The following SCFD2 variants were observed in gnomAD, a reference collection of about 807,000 sequenced individuals.
SCFD2 encodes sec1 family domain-containing protein 2.
A neutral mutation model predicts 58.9 loss-of-function variants in SCFD2; 54 were observed. The observed-to-expected ratio is 0.92, with a 90% CI of 0.74 to 1.15. The LOEUF (loss-of-function observed/expected upper bound fraction) is 1.15. Ranked by LOEUF, SCFD2 falls within the 50% of genes most tolerant of loss-of-function variation. The pLI is 0.00. For missense variants in SCFD2, 805 were observed against 836.6 expected (o/e 0.96, Z 0.47); for synonymous variants, 321 against 335.9 (o/e 0.96, Z 0.49).
intron 5 of SCFD2, among the ~76,000 whole-genome samples, chr4:53,100,112 G>A (rs1232922291): frequency 6.6e-6 from 1 of 152,158 alleles, no homozygotes; most frequent in East Asian, 1.9e-4. Context: ...TCTGTTGCTT[G>A]TCATGTTAGT....
chr4:53,197,061 T>C (rs761906877), intron 4 of SCFD2, among the ~76,000 whole-genome samples: 72 of 152,058 alleles, frequency 4.7e-4, no homozygotes, highest in Non-Finnish European at 8.5e-4. Flanking sequence ...CCAACACTAA[T>C]TAAAACAGAA....
intron 3 of SCFD2, among the ~76,000 whole-genome samples, chr4:53,288,228 G>C (rs1731731693): frequency 6.6e-6 from 1 of 152,044 alleles, no homozygotes; most frequent in Non-Finnish European, 1.5e-5. Context: ...TATTGAAAAA[G>C]AGTTTAGAAA....
Position 53,347,934 on chromosome 4 carries a change from T to C in SCFD2, c.1007+4664A>G, listed in dbSNP as rs574419786. On this transcript the variant is annotated intron_variant, in intron 2 of 8. Transcript: ENST00000401642. ...CAAGCGCAGATGTAGTAAATGCAAGTAGGGCATCAGGTGAAGGTTATTTAA... is the reference window on the plus strand; with the variant it reads ...CAAGCGCAGATGTAGTAAATGCAAGCAGGGCATCAGGTGAAGGTTATTTAA... 2.0e-5 allele frequency among the ~76,000 whole-genome samples: 3 copies of C among 152,258 alleles called. No individual in the cohort carries two copies. The South Asian group carries it at 6.2e-4, about 32-fold the overall frequency.
chr4:53,155,278 C>T (rs1234848403), intron 4 of SCFD2, among the ~76,000 whole-genome samples: 1 of 152,148 alleles, frequency 6.6e-6, no homozygotes, highest in Non-Finnish European at 1.5e-5. Context: ...AGAAGTGGGA[C>T]ATTTAAGAGA....
At chr4:53,278,133 G>C (rs1182567979) in intron 3 of SCFD2, among the ~76,000 whole-genome samples, 1 of 152,002 alleles carries the variant, frequency 6.6e-6, no homozygotes. Flanking sequence ...TTTGGAGGCC[G>C]AGGTGGGTGG....
At chr4:53,038,323 A>G (rs1722813672) in intron 5 of SCFD2, among the ~76,000 whole-genome samples, 1 of 152,146 alleles carries the variant, frequency 6.6e-6, no homozygotes, top group Admixed American at 6.5e-5. Context: ...GAGTCTGAGG[A>G]GGGTTCCATG....
chr4:53,243,050 A>C (rs576809609), intron 4 of SCFD2, among the ~76,000 whole-genome samples: 10 of 152,306 alleles, frequency 6.6e-5, no homozygotes, highest in Non-Finnish European at 1.2e-4. Context: ...AACTTGAAAA[A>C]CATATTTTAG....
chr4:53,299,574 T>A (rs1469964507), intron 3 of SCFD2, among the ~76,000 whole-genome samples: 10 of 151,696 alleles, frequency 6.6e-5, no homozygotes, highest in Non-Finnish European at 1.5e-4. Flanking sequence ...AGGCCAACAT[T>A]CAAATTCAGG....
chr4:53,130,976 A>G (rs1188290248), intron 5 of SCFD2, among the ~76,000 whole-genome samples: 2 of 152,236 alleles, frequency 1.3e-5, no homozygotes, highest in Non-Finnish European at 2.9e-5. Context: ...ATCTCTATCT[A>G]CACGCAAATA....
At chr4:53,150,311 G>C (rs1366810955) in intron 4 of SCFD2, among the ~76,000 whole-genome samples, 1 of 152,162 alleles carries the variant, frequency 6.6e-6, no homozygotes, top group Non-Finnish European at 1.5e-5. Flanking sequence ...ATAAGGGACT[G>C]ACCCAGGAAG....
chr4:53,128,659 T>C (rs1484598693), intron 5 of SCFD2, among the ~76,000 whole-genome samples: 1 of 152,192 alleles, frequency 6.6e-6, no homozygotes, highest in Non-Finnish European at 1.5e-5. Context: ...ACAGAATAAA[T>C]TGGTGCCTTG....
At chr4:53,012,814 CTGTG>C (rs533768079) in intron 5 of SCFD2, among the ~76,000 whole-genome samples, 6 of 146,238 alleles carry the variant, frequency 4.1e-5, no homozygotes, top group African/African-American at 1.5e-4. Flanking sequence ...CCCCTCCTTT[CTGTG>C]TGTGTGTGTG....
chr4:53,068,101 C>T (rs1050924497), intron 5 of SCFD2, among the ~76,000 whole-genome samples: 5 of 152,020 alleles, frequency 3.3e-5, no homozygotes, highest in Non-Finnish European at 7.4e-5. Flanking sequence ...ACTGACATCA[C>T]CTGTGATCAT....
chr4:53,015,306 A>G (rs772742401), intron 5 of SCFD2, among the ~76,000 whole-genome samples: 13 of 152,200 alleles, frequency 8.5e-5, no homozygotes, highest in Non-Finnish European at 1.6e-4. Context: ...AACACCTGTC[A>G]TTCATCTAGT....
chr4:53,219,439 C>T (rs111286810), intron 4 of SCFD2, among the ~76,000 whole-genome samples: 24 of 152,282 alleles, frequency 1.6e-4, no homozygotes, highest in Non-Finnish European at 2.9e-4. Flanking sequence ...CTGAGCCATG[C>T]GTGGGATATA....
chr4:53,191,055 T>C (rs1352228646), intron 4 of SCFD2, among the ~76,000 whole-genome samples: 1 of 152,106 alleles, frequency 6.6e-6, no homozygotes, highest in Non-Finnish European at 1.5e-5. Context: ...GTATTAAATA[T>C]AAAATTTGAG....
chr4:53,141,846 C>T (rs961769791), intron 5 of SCFD2, among the ~76,000 whole-genome samples: 11 of 152,046 alleles, frequency 7.2e-5, no homozygotes, highest in Admixed American at 2.6e-4. Context: ...AAGTCTGTCC[C>T]AGCTCTCAGA....
chr4:52,903,203 G>C (rs1033705134), intron 7 of SCFD2, among the ~76,000 whole-genome samples: 7 of 152,352 alleles, frequency 4.6e-5, no homozygotes, highest in Admixed American at 2.0e-4. Flanking sequence ...AAGGAGAAGA[G>C]AGCATCAGAT....
Position 53,255,481 on chromosome 4 carries a change from T to C in SCFD2, c.1311+18345A>G, listed in dbSNP as rs892603670. 5.3e-5 allele frequency among the ~76,000 whole-genome samples: 8 copies of C among 152,226 alleles called. No homozygotes were observed. The South Asian group carries it at 1.2e-3, about 24-fold the overall frequency. ...CATCTTGCACTGCCCTTAATCCATTTAACCCTGAGTGGACACAGCACATGT... is the reference window on the plus strand; with the variant it reads ...CATCTTGCACTGCCCTTAATCCATTCAACCCTGAGTGGACACAGCACATGT... On this transcript the variant is annotated intron_variant, in intron 4 of 8. Transcript: ENST00000401642.
Sources: allele counts gnomAD v4.1 joint callset (sites outside exome capture counted in the v4.1 genomes callset), GRCh38; gene constraint gnomAD v4.1.1; transcripts MANE v1.5; gene names NCBI Gene and HGNC (gene_info 2026-07-23, HGNC 2026-07-21).